The following VCL variants were observed in gnomAD, a reference collection of about 807,000 sequenced individuals.
The protein encoded by VCL is vinculin, also known as epididymis luminal protein 114.
In VCL, 47 loss-of-function variants were observed where a neutral mutation model predicts 125.7. That is an observed-to-expected ratio of 0.37 (90% CI 0.30 to 0.48). The LOEUF (loss-of-function observed/expected upper bound fraction) is 0.48. Among genes scored for constraint, VCL ranks in the 20% least tolerant of loss-of-function variants. The pLI, the probability that VCL is intolerant of heterozygous loss-of-function variation, is 0.99. For synonymous variants in VCL, 458 were observed against 514.6 expected (o/e 0.89, Z 1.49); for missense variants, 1,069 against 1,455.5 (o/e 0.73, Z 4.32).
In VCL at chr10:74,101,542, G is replaced by GTTTTTTTTT. The variant is rs964739371; in HGVS notation, c.2022+461_2022+469dup. On this transcript the variant is annotated intron_variant, in intron 14 of 21. Coordinates refer to ENST00000211998, the MANE Select transcript of VCL (RefSeq NM_014000.3). ...TTTTTTTTACAAGGACTATTTATTA[G>GTTTTTTTTT]TTTTTTTTTTTTTTTTTTTTTTTTG... Among the ~76,000 whole-genome samples, 23 of 88,128 alleles carry GTTTTTTTTT rather than the reference G, an allele frequency of 2.6e-4. 1 individual carries two copies. Among genetic ancestry groups the GTTTTTTTTT allele is most frequent in the African/African-American group, 4.8e-4 (10 of 21,010 alleles). 57.8% of individuals were successfully genotyped at this position (88,128 alleles called of 152,430 possible). A position where few individuals can be genotyped will look rare whatever the true frequency, so the allele number is the denominator to read the frequency against.
intron 19 of VCL, among the ~76,000 whole-genome samples, chr10:74,113,225 C>T (rs1391516658): frequency 3.9e-5 from 6 of 152,156 alleles, no homozygotes; most frequent in Admixed American, 3.9e-4. Flanking sequence ...TTGTTAGCAG[C>T]CAAAAGAGGA....
chr10:74,064,560 C>T (rs959596308), intron 2 of VCL, among the ~76,000 whole-genome samples: 5 of 152,024 alleles, frequency 3.3e-5, no homozygotes, highest in East Asian at 1.9e-4. Flanking sequence ...TGTGAGCCAC[C>T]GTGCCTGCCT....
intron 1 of VCL, among the ~76,000 whole-genome samples, chr10:74,008,648 C>T (rs942012399): frequency 6.6e-6 from 1 of 152,152 alleles, no homozygotes; most frequent in Non-Finnish European, 1.5e-5. Context: ...TTTTTGCTTT[C>T]TGGCTGATTT....
At chr10:74,020,063 CAA>C (rs894179907) in intron 1 of VCL, among the ~76,000 whole-genome samples, 7 of 116,624 alleles carry the variant, frequency 6.0e-5, no homozygotes, top group Admixed American at 9.1e-5. Context: ...AACTCCGTCT[CAA>C]AAAAAAAAAA....
At chr10:74,065,616 G>A (rs914709858) in intron 2 of VCL, among the ~76,000 whole-genome samples, 5 of 151,732 alleles carry the variant, frequency 3.3e-5, no homozygotes, top group Admixed American at 2.6e-4. Flanking sequence ...CCAGGAGGTC[G>A]AGGCTGCAGT....
intron 8 of VCL, among the ~76,000 whole-genome samples, chr10:74,084,470 T>G (rs537365210): frequency 1.1e-4 from 17 of 151,736 alleles, no homozygotes; most frequent in Middle Eastern, 3.4e-3. Context: ...TTTTTATAAT[T>G]TTAGTAGAGA....
At chr10:74,027,145 G>C (rs1840786787) in intron 1 of VCL, among the ~76,000 whole-genome samples, 1 of 152,114 alleles carries the variant, frequency 6.6e-6, no homozygotes, top group South Asian at 2.1e-4. Flanking sequence ...GGGCAGTGAG[G>C]GAGAAGATGG....
chr10:74,117,680 C>G (rs143447115), intron 21 of VCL, among the ~76,000 whole-genome samples: 1 of 152,140 alleles, frequency 6.6e-6, no homozygotes, highest in African/African-American at 2.4e-5. Context: ...GAAATCCTCA[C>G]CAAGGTGACA....
intron 17 of VCL, among the ~76,000 whole-genome samples, chr10:74,108,110 C>T (rs946501626): frequency 3.9e-5 from 6 of 152,170 alleles, no homozygotes; most frequent in African/African-American, 7.2e-5. Context: ...ATTGTGTCAT[C>T]GCACACACAG....
chr10:74,017,415 A>T (rs929487138), intron 1 of VCL, among the ~76,000 whole-genome samples: 2 of 152,044 alleles, frequency 1.3e-5, no homozygotes, highest in Non-Finnish European at 2.9e-5. Flanking sequence ...CCATTCATCC[A>T]TTGATGGACA....
chr10:74,007,741 C>G (rs1840346462), intron 1 of VCL, among the ~76,000 whole-genome samples: 1 of 152,208 alleles, frequency 6.6e-6, no homozygotes, highest in African/African-American at 2.4e-5. Context: ...AGTGATCCAC[C>G]TGCCTTGGCC....
intron 14 of VCL, 79 bp downstream of exon 14, chr10:74,101,176 C>T: frequency 6.5e-7 from 1 of 1,545,374 alleles, no homozygotes; most frequent in Non-Finnish European, 8.8e-7. Context: ...TTTTTGAATA[C>T]TTACCGTAAG....
At chr10:73,998,488 C>T in intron 1 of VCL, 113 bp downstream of exon 1, 1 of 1,161,274 alleles carries the variant, frequency 8.6e-7, no homozygotes. Flanking sequence ...CGCGTGGGTT[C>T]CGGAGCCAGG....
rs570947840 is a variant in VCL, at chr10:74,023,328, C to T, written c.169-19755C>T. ...GCTATACAGGTTTGTAGCCTAGGAGCAGTGGCTATGCCATAAAGCCTCGGC... is the reference window on the plus strand; with the variant it reads ...GCTATACAGGTTTGTAGCCTAGGAGTAGTGGCTATGCCATAAAGCCTCGGC... On this transcript the variant is annotated intron_variant, in intron 1 of 21. Transcript: ENST00000211998. Among the ~76,000 whole-genome samples the T allele has an allele frequency of 4.1e-4, 62 of 152,322 alleles. No homozygotes were observed. The South Asian group carries it at 0.012, about 30-fold the overall frequency.
At chr10:74,115,974 T>G (rs1840305287) in intron 21 of VCL, among the ~76,000 whole-genome samples, 1 of 152,188 alleles carries the variant, frequency 6.6e-6, no homozygotes, top group Admixed American at 6.5e-5. Flanking sequence ...GATTCCCACA[T>G]GGACTGCCCA....
chr10:74,107,409 A>G, intron 17 of VCL, 55 bp downstream of exon 17: 1 of 1,613,704 alleles, frequency 6.2e-7, no homozygotes, highest in Non-Finnish European at 8.5e-7. Flanking sequence ...AGACTTCAGC[A>G]AGAGAGAGGT....
chr10:74,103,742 G>A, intron 14 of VCL, 78 bp from the exon 15 acceptor site: 1 of 1,350,452 alleles, frequency 7.4e-7, no homozygotes, highest in South Asian at 1.2e-5. Context: ...TGTAGGTAAA[G>A]AGGAGAAAGC....
intron 2 of VCL, among the ~76,000 whole-genome samples, chr10:74,056,644 T>G (rs904217610): frequency 2.6e-5 from 4 of 152,122 alleles, no homozygotes; most frequent in African/African-American, 9.7e-5. Flanking sequence ...TGAATTAGAT[T>G]AAAGCTTGTC....
At chr10:74,081,440 T>G (rs977503539) in intron 6 of VCL, among the ~76,000 whole-genome samples, 3 of 152,296 alleles carry the variant, frequency 2.0e-5, no homozygotes, top group South Asian at 4.1e-4. Context: ...GAACCCCAGT[T>G]GTGCAGGATT....
Sources: allele counts gnomAD v4.1 joint callset (sites outside exome capture counted in the v4.1 genomes callset), GRCh38; gene constraint gnomAD v4.1.1; transcripts MANE v1.5; gene names NCBI Gene and HGNC (gene_info 2026-07-23, HGNC 2026-07-21).